SLIT3: variants seen among roughly 807,000 people sequenced by gnomAD.
SLIT3 encodes the protein slit homolog 3 protein.
SLIT3 carries 68 observed loss-of-function variants against 184.0 expected under a neutral mutation model. That is an observed-to-expected ratio of 0.37 (90% confidence interval 0.30 to 0.45). The LOEUF (loss-of-function observed/expected upper bound fraction) is 0.45. SLIT3 is among the 20% of genes least tolerant of loss of function. The pLI, the probability that SLIT3 is intolerant of heterozygous loss-of-function variation, is 1.00. For missense variants in SLIT3, 1,707 were observed against 2,026.0 expected (o/e 0.84, Z 3.02); for synonymous variants, 831 against 828.6 (o/e 1.00, Z -0.05).
At chr5:168,818,386 A>C (rs1288344007) in intron 7 of SLIT3, among the ~76,000 whole-genome samples, 1 of 152,092 alleles carries the variant, frequency 6.6e-6, no homozygotes, top group Non-Finnish European at 1.5e-5. Context: ...CTTCCTTTCC[A>C]CTACCAGGGA....
chr5:169,191,560 G>A (rs944416444), intron 4 of SLIT3, among the ~76,000 whole-genome samples: 4 of 152,220 alleles, frequency 2.6e-5, no homozygotes, highest in Admixed American at 2.6e-4. Context: ...TGATCTCATT[G>A]GATACTTACA....
intron 4 of SLIT3, among the ~76,000 whole-genome samples, chr5:169,135,985 G>A (rs10042989): frequency 0.035 from 5,317 of 152,232 alleles, 328 homozygotes; most frequent in African/African-American, 0.12. Context: ...TCACGGACAC[G>A]GATACACAAA....
intron 4 of SLIT3, among the ~76,000 whole-genome samples, chr5:168,927,986 C>G (rs1191072555): frequency 1.8e-4 from 28 of 152,190 alleles, no homozygotes; most frequent in Admixed American, 1.8e-3. Flanking sequence ...TTTTGAGCTG[C>G]CAGCACATCA....
intron 4 of SLIT3, among the ~76,000 whole-genome samples, chr5:168,944,817 C>A (rs553720434): frequency 1.3e-5 from 2 of 152,280 alleles, no homozygotes; most frequent in East Asian, 3.9e-4. Flanking sequence ...CGTATGGTGA[C>A]TTGATGGCTC....
chr5:168,683,306 G>T (rs1333303455), intron 32 of SLIT3, among the ~76,000 whole-genome samples: 4 of 150,460 alleles, frequency 2.7e-5, no homozygotes, highest in Non-Finnish European at 4.4e-5. Context: ...GGAGACAGAG[G>T]TTGCAGTGAG....
intron 4 of SLIT3, among the ~76,000 whole-genome samples, chr5:169,089,154 G>GCA (rs1257582048): frequency 1.3e-5 from 2 of 148,622 alleles, no homozygotes; most frequent in African/African-American, 5.0e-5. Flanking sequence ...ACCGCTATCT[G>GCA]CACACAAGTG....
chr5:168,998,893 C>CTGTGTGTGTGTGTG (rs71575505), intron 4 of SLIT3, among the ~76,000 whole-genome samples: 107 of 143,286 alleles, frequency 7.5e-4, no homozygotes, highest in African/African-American at 2.6e-3. Flanking sequence ...ACCCAGAAAT[C>CTGTGTGTGTGTGTG]TGTGTGTGTG....
intron 4 of SLIT3, among the ~76,000 whole-genome samples, chr5:169,018,958 G>A (rs888187792): frequency 1.3e-5 from 2 of 152,170 alleles, no homozygotes; most frequent in Non-Finnish European, 2.9e-5. Context: ...CTCTGCTGAG[G>A]TGCCCATTAG....
intron 4 of SLIT3, among the ~76,000 whole-genome samples, chr5:168,979,147 C>G (rs1007595218): frequency 1.3e-5 from 2 of 152,202 alleles, no homozygotes; most frequent in East Asian, 1.9e-4. Context: ...CTCCTCTTTC[C>G]GCACAGCCCC....
chr5:168,874,044 G>T lies in SLIT3; in HGVS notation c.485+9221C>A, dbSNP rs539545205. On this transcript the variant is annotated intron_variant, in intron 5 of 35. Coordinates refer to ENST00000519560, the MANE Select transcript of SLIT3 (RefSeq NM_003062.4). ...GACCCCTGAGTCGTACTTTGAGGGG[G>T]TCAGAATCACTGTTCCTTTTTGCCA... 2.0e-5 allele frequency among the ~76,000 whole-genome samples: 3 copies of T among 152,170 alleles called. No individual in the cohort carries two copies. In the East Asian group the frequency reaches 5.8e-4, roughly 29 times the overall value.
intron 4 of SLIT3, among the ~76,000 whole-genome samples, chr5:168,887,670 G>A (rs967338129): frequency 4.6e-5 from 7 of 152,100 alleles, no homozygotes; most frequent in Non-Finnish European, 5.9e-5. Flanking sequence ...CGGATAGTGC[G>A]CCCAGAAACA....
chr5:169,002,345 A>AAAAAAAAAAAG (rs1561600098), intron 4 of SLIT3, among the ~76,000 whole-genome samples: 281 of 145,320 alleles, frequency 1.9e-3, no homozygotes, highest in East Asian at 3.8e-3. Context: ...AAAAAAAAAA[A>AAAAAAAAAAAG]AAAAAAAAAA....
At chr5:169,256,409 A>C (rs1490702992) in intron 1 of SLIT3, among the ~76,000 whole-genome samples, 1 of 152,214 alleles carries the variant, frequency 6.6e-6, no homozygotes, top group East Asian at 1.9e-4. Context: ...TATAGCCTAG[A>C]AGCAATAGGC....
intron 26 of SLIT3, among the ~76,000 whole-genome samples, chr5:168,702,300 T>C (rs1762240504): frequency 6.6e-6 from 1 of 152,198 alleles, no homozygotes; most frequent in Non-Finnish European, 1.5e-5. Context: ...GAGATTGGTG[T>C]GATTGTTATT....
At chr5:169,180,394 C>A (rs1310101970) in intron 4 of SLIT3, among the ~76,000 whole-genome samples, 1 of 152,178 alleles carries the variant, frequency 6.6e-6, no homozygotes, top group Admixed American at 6.5e-5. Flanking sequence ...GTCATTGGAA[C>A]TTTTAACTGG....
intron 1 of SLIT3, among the ~76,000 whole-genome samples, chr5:169,269,182 C>A (rs1210469746): frequency 1.3e-5 from 2 of 152,198 alleles, no homozygotes; most frequent in African/African-American, 4.8e-5. Context: ...TGGGGGTTCA[C>A]CTTCATGTCT....
intron 12 of SLIT3, among the ~76,000 whole-genome samples, chr5:168,780,197 C>T (rs570690670): frequency 2.3e-4 from 35 of 152,390 alleles, no homozygotes; most frequent in African/African-American, 7.7e-4. Context: ...TGTTGCCCCT[C>T]CCACTTCTAT....
At chr5:168,761,052 C>T (rs2113501994) in intron 15 of SLIT3, 116 bp from the exon 16 acceptor site, 2 of 760,586 alleles carry the variant, frequency 2.6e-6, no homozygotes, top group East Asian at 5.0e-5. Flanking sequence ...GACCACAGAG[C>T]CATCGGAAGC....
chr5:168,897,679 A>ACACAC (rs1760727954), intron 4 of SLIT3, among the ~76,000 whole-genome samples: 1 of 41,222 alleles, frequency 2.4e-5, no homozygotes, highest in East Asian at 6.3e-4. Context: ...CACACACACA[A>ACACAC]AGGGACATAC....
Sources: gnomAD v4.1 joint callset for allele counts (sites outside exome capture counted in the v4.1 genomes callset) on GRCh38, gnomAD v4.1.1 for gene constraint, MANE v1.5 for transcripts, NCBI Gene and HGNC (gene_info 2026-07-23, HGNC 2026-07-21) for gene names.